ZBTB20: variants seen among roughly 807,000 people sequenced by gnomAD.
The protein encoded by ZBTB20 is zinc finger and BTB domain containing 20.
Under a neutral mutation model 56.9 loss-of-function variants are expected in ZBTB20, and 9 were observed. The observed-to-expected ratio is 0.16, with a 90% CI of 0.10 to 0.28. The LOEUF (loss-of-function observed/expected upper bound fraction) is 0.28. ZBTB20 is among the 10% of genes least tolerant of loss of function. The pLI is 1.00. For missense variants in ZBTB20, 655 were observed against 1,003.0 expected (o/e 0.65, Z 4.69); for synonymous variants, 417 against 420.7 (o/e 0.99, Z 0.11).
intron 3 of ZBTB20, among the ~76,000 whole-genome samples, chr3:114,902,814 C>G (rs1351714485): frequency 6.6e-6 from 1 of 152,126 alleles, no homozygotes; most frequent in African/African-American, 2.4e-5. Flanking sequence ...AAGTTAGTTA[C>G]TGGTTAATCC....
chr3:114,540,564 T>G (rs1302157390), intron 6 of ZBTB20, among the ~76,000 whole-genome samples: 1 of 152,148 alleles, frequency 6.6e-6, no homozygotes. Flanking sequence ...TTATCCCCAG[T>G]GCAGGCTACA....
intron 7 of ZBTB20, among the ~76,000 whole-genome samples, chr3:114,459,347 T>C (rs2092213209): frequency 6.6e-6 from 1 of 152,190 alleles, no homozygotes; most frequent in Non-Finnish European, 1.5e-5. Context: ...CCATATTTCC[T>C]TTTGAGAACC....
intron 7 of ZBTB20, among the ~76,000 whole-genome samples, chr3:114,394,314 T>A (rs1374783502): frequency 2.0e-5 from 3 of 152,136 alleles, no homozygotes; most frequent in Non-Finnish European, 4.4e-5. Flanking sequence ...CAAACCCAGA[T>A]CTCTCTGAGT....
intron 5 of ZBTB20, among the ~76,000 whole-genome samples, chr3:114,752,254 C>G (rs1460782718): frequency 5.5e-4 from 3 of 5,408 alleles, no homozygotes; most frequent in Non-Finnish European, 3.0e-3. Context: ...ACTCTCGTAT[C>G]TATCTACTCT....
At chr3:115,005,929 C>A (rs1201196608) in intron 2 of ZBTB20, among the ~76,000 whole-genome samples, 3 of 151,812 alleles carry the variant, frequency 2.0e-5, no homozygotes, top group African/African-American at 7.2e-5. Flanking sequence ...AACTTCATTT[C>A]AATCTACTCT....
Position 115,099,727 on chromosome 3 carries a change from A to G in ZBTB20, c.-702-28313T>C, listed in dbSNP as rs116431371. Among the ~76,000 whole-genome samples the G allele has an allele frequency of 5.8e-3, 886 of 152,288 alleles. 16 individuals are homozygous for G. Among genetic ancestry groups the G allele is most frequent in the African/African-American group, 0.019 (769 of 41,558 alleles). ...TCACTTTAGTAATACCCACACTGGCACTGCAGCTAAAACTCATTGGCAAAT... is the reference window on the plus strand; with the variant it reads ...TCACTTTAGTAATACCCACACTGGCGCTGCAGCTAAAACTCATTGGCAAAT... On this transcript the variant is annotated intron_variant, in intron 1 of 11. Coordinates refer to ENST00000675478, the MANE Select transcript of ZBTB20 (RefSeq NM_001348800.3).
intron 3 of ZBTB20, chr3:114,930,721 T>C (rs938340400): frequency 4.5e-6 from 1 of 224,340 alleles, no homozygotes; most frequent in Non-Finnish European, 9.3e-6. Flanking sequence ...AATAAATGGT[T>C]TCATCTATGC....
intron 7 of ZBTB20, among the ~76,000 whole-genome samples, chr3:114,473,845 G>C (rs1215447646): frequency 1.3e-5 from 2 of 152,166 alleles, no homozygotes; most frequent in African/African-American, 4.8e-5. Context: ...ACCCAGAGAA[G>C]TAAGAGGTAC....
chr3:114,515,262 T>G (rs2045854858), intron 6 of ZBTB20, among the ~76,000 whole-genome samples: 1 of 152,156 alleles, frequency 6.6e-6, no homozygotes, highest in African/African-American at 2.4e-5. Flanking sequence ...AGACTATTAT[T>G]TTCCAGTTTC....
intron 7 of ZBTB20, among the ~76,000 whole-genome samples, chr3:114,394,048 TA>T (rs1394201027): frequency 1.3e-4 from 20 of 152,280 alleles, no homozygotes; most frequent in Non-Finnish European, 2.4e-4. Flanking sequence ...TCTAAAATTA[TA>T]GATGGGGGGT....
intron 6 of ZBTB20, among the ~76,000 whole-genome samples, chr3:114,614,861 G>A (rs1408715169): frequency 1.3e-5 from 2 of 152,038 alleles, no homozygotes; most frequent in African/African-American, 4.8e-5. Flanking sequence ...AGTTTCAAGC[G>A]ATTCTCCTGC....
At chr3:114,375,620 C>T (rs1560160777) in intron 10 of ZBTB20, among the ~76,000 whole-genome samples, 3 of 152,360 alleles carry the variant, frequency 2.0e-5, no homozygotes, top group East Asian at 1.9e-4. Flanking sequence ...CTAATGGCCC[C>T]GAACCAGATG....
chr3:114,774,077 A>G (rs2069415903), intron 5 of ZBTB20, among the ~76,000 whole-genome samples: 1 of 152,206 alleles, frequency 6.6e-6, no homozygotes, highest in South Asian at 2.1e-4. Context: ...CAACTTCAGA[A>G]CCTAAAACTT....
chr3:114,469,115 T>C (rs1297903834), intron 7 of ZBTB20, among the ~76,000 whole-genome samples: 1 of 150,466 alleles, frequency 6.6e-6, no homozygotes, highest in Non-Finnish European at 1.5e-5. Context: ...GGACCAAACA[T>C]ACATTTTAAA....
intron 7 of ZBTB20, among the ~76,000 whole-genome samples, chr3:114,441,264 G>T (rs1001592576): frequency 1.2e-4 from 19 of 152,238 alleles, no homozygotes; most frequent in Admixed American, 1.1e-3. Context: ...AAATAGTTCT[G>T]AATTTTCTGC....
chr3:114,527,458 G>T (rs1263521975), intron 6 of ZBTB20: 1 of 152,196 alleles, frequency 6.6e-6, no homozygotes, highest in Admixed American at 6.6e-5. Flanking sequence ...CACACATCCA[G>T]ATACTGCTAC....
intron 6 of ZBTB20, among the ~76,000 whole-genome samples, chr3:114,654,080 T>G (rs890266521): frequency 1.1e-4 from 17 of 151,900 alleles, no homozygotes; most frequent in African/African-American, 4.1e-4. Flanking sequence ...ATTAATCTTC[T>G]TTGTAGTTTG....
intron 7 of ZBTB20, among the ~76,000 whole-genome samples, chr3:114,434,597 T>C (rs1291684953): frequency 6.6e-6 from 1 of 151,192 alleles, no homozygotes; most frequent in South Asian, 2.1e-4. Context: ...AGAGAGAGGA[T>C]AGCCTTACTG....
intron 5 of ZBTB20, among the ~76,000 whole-genome samples, chr3:114,770,065 A>C (rs2069089300): frequency 6.6e-6 from 1 of 151,704 alleles, no homozygotes; most frequent in African/African-American, 2.4e-5. Context: ...TCTCAAAAAA[A>C]CAAGAATGAT....
Sources: allele counts gnomAD v4.1 joint callset (sites outside exome capture counted in the v4.1 genomes callset), GRCh38; gene constraint gnomAD v4.1.1; transcripts MANE v1.5; gene names NCBI Gene and HGNC (gene_info 2026-07-23, HGNC 2026-07-21).